The following ABCA12 variants were observed in gnomAD, a reference collection of about 807,000 sequenced individuals.
The protein encoded by ABCA12 is glucosylceramide transporter ABCA12.
Under a neutral mutation model 293.5 loss-of-function variants are expected in ABCA12, and 156 were observed. The ratio of observed to expected loss-of-function variants is 0.53; its 90% CI spans 0.47 to 0.61. ABCA12 has a LOEUF of 0.61. ABCA12 is among the 20% of genes least tolerant of loss of function. The pLI is 0.00. For missense variants in ABCA12, 2,797 were observed against 3,090.2 expected (o/e 0.91, Z 2.25); for synonymous variants, 1,063 against 1,108.0 (o/e 0.96, Z 0.81).
chr2:215,047,821 G>A (rs528959845), intron 6 of ABCA12, among the ~76,000 whole-genome samples: 65 of 152,154 alleles, frequency 4.3e-4, no homozygotes, highest in African/African-American at 1.5e-3. Context: ...GTTGACAAAT[G>A]GGATCTAATT....
chr2:215,016,310 G>A (rs910831884), intron 14 of ABCA12, among the ~76,000 whole-genome samples: 8 of 151,024 alleles, frequency 5.3e-5, no homozygotes, highest in Non-Finnish European at 8.9e-5. Context: ...CTGGCTGGGC[G>A]CGGTGGCTCA....
intron 19 of ABCA12, among the ~76,000 whole-genome samples, chr2:215,004,617 T>G (rs548500192): frequency 6.6e-6 from 1 of 152,354 alleles, no homozygotes; most frequent in South Asian, 2.1e-4. Context: ...TATTATTCCT[T>G]TTTAATGTAT....
chr2:215,060,269 G>A (rs559201675), intron 3 of ABCA12, among the ~76,000 whole-genome samples: 3 of 152,116 alleles, frequency 2.0e-5, no homozygotes, highest in African/African-American at 7.2e-5. Context: ...CAAGGCATAT[G>A]CCTCATGCAT....
At chr2:215,037,383 A>C (rs1435245228) in intron 7 of ABCA12, among the ~76,000 whole-genome samples, 2 of 152,198 alleles carry the variant, frequency 1.3e-5, no homozygotes, top group African/African-American at 4.8e-5. Flanking sequence ...AGCAACTTTC[A>C]ATTAAAGAAT....
chr2:215,024,385 AT>A (rs1468509641), intron 11 of ABCA12, among the ~76,000 whole-genome samples: 5 of 152,202 alleles, frequency 3.3e-5, no homozygotes, highest in Non-Finnish European at 7.3e-5. Flanking sequence ...TGATAAAAAA[AT>A]GAACGGATAA....
rs1452837064 is a variant in ABCA12 at position 215,011,423 on chromosome 2, T to C, written c.2332+16A>G. 1.9e-6 allele frequency: 3 copies of C among 1,576,826 alleles called. No individual in the cohort carries two copies. The highest frequency in any genetic ancestry group is 8.7e-7 in the Non-Finnish European group (1 of 1,146,848). ...CATTAAGGGCAACTGTCATGCTTAT[T>C]TTAAAGTATACTCACTGGAATTTAT... On this transcript the variant is annotated intron_variant, in intron 17 of 52. Transcript: ENST00000272895.
intron 9 of ABCA12, 75 bp from the exon 10 acceptor site, chr2:215,027,013 G>A: frequency 8.8e-7 from 1 of 1,138,292 alleles, no homozygotes; most frequent in South Asian, 1.2e-5. Context: ...AGATCATTTT[G>A]GTCCCTTGTT....
chr2:215,128,345 T>C (rs1317373878), intron 1 of ABCA12, among the ~76,000 whole-genome samples: 2 of 152,254 alleles, frequency 1.3e-5, no homozygotes, highest in Non-Finnish European at 2.9e-5. Flanking sequence ...CGTCTAGGTC[T>C]CTAGCAAGGC....
chr2:215,075,164 G>C (rs78581728), intron 2 of ABCA12, among the ~76,000 whole-genome samples: 1 of 152,012 alleles, frequency 6.6e-6, no homozygotes, highest in African/African-American at 2.4e-5. Context: ...AGATGGAGGT[G>C]TTTACCACTT....
intron 52 of ABCA12, among the ~76,000 whole-genome samples, chr2:214,933,348 T>C (rs1698119398): frequency 6.6e-6 from 1 of 152,190 alleles, no homozygotes; most frequent in African/African-American, 2.4e-5. Context: ...AGTCGAAGAC[T>C]AAGTCTTCAT....
At chr2:215,009,072 C>T (rs969924673) in intron 18 of ABCA12, among the ~76,000 whole-genome samples, 1 of 152,126 alleles carries the variant, frequency 6.6e-6, no homozygotes, top group African/African-American at 2.4e-5. Context: ...ACTGAATCAA[C>T]CTACATCCCT....
At chr2:215,098,724 A>G (rs1702294521) in intron 2 of ABCA12, among the ~76,000 whole-genome samples, 1 of 152,244 alleles carries the variant, frequency 6.6e-6, no homozygotes, top group South Asian at 2.1e-4. Context: ...TATGGGAAGT[A>G]AGAACAAATT....
intron 4 of ABCA12, 27 bp from the exon 5 acceptor site, chr2:215,052,611 C>G: frequency 6.5e-7 from 1 of 1,546,026 alleles, no homozygotes; most frequent in Non-Finnish European, 8.9e-7. Flanking sequence ...AACAGATTAG[C>G]ATTCCACACA....
intron 1 of ABCA12, among the ~76,000 whole-genome samples, chr2:215,118,170 G>A (rs933968600): frequency 6.6e-6 from 1 of 152,148 alleles, no homozygotes; most frequent in Admixed American, 6.5e-5. Context: ...GGGAGGCCGA[G>A]GCGGGCAGAT....
chr2:215,061,900 A>G (rs1319579466), intron 3 of ABCA12, among the ~76,000 whole-genome samples: 4 of 152,070 alleles, frequency 2.6e-5, no homozygotes, highest in Non-Finnish European at 4.4e-5. Flanking sequence ...ATAGACAAAT[A>G]CTTCTTTAGA....
chr2:214,997,871 T>C, intron 22 of ABCA12, 62 bp from the exon 23 acceptor site: 1 of 968,182 alleles, frequency 1.0e-6, no homozygotes, highest in African/African-American at 1.6e-5. Context: ...CTTGCAGAGA[T>C]TATAATATAT....
chr2:215,003,697 T>G (rs545980606), intron 20 of ABCA12, among the ~76,000 whole-genome samples: 1 of 151,348 alleles, frequency 6.6e-6, no homozygotes, highest in Non-Finnish European at 1.5e-5. Flanking sequence ...GACAGGGTTT[T>G]ACTCCTGTCA....
chr2:214,991,945 T>C (rs1320162127), intron 23 of ABCA12, among the ~76,000 whole-genome samples: 1 of 152,124 alleles, frequency 6.6e-6, no homozygotes, highest in Non-Finnish European at 1.5e-5. Flanking sequence ...GACAGGTTGA[T>C]GAGTGCAGCG....
chr2:214,942,535 T>C (rs1439225559), intron 50 of ABCA12, among the ~76,000 whole-genome samples: 3 of 152,170 alleles, frequency 2.0e-5, no homozygotes, highest in African/African-American at 4.8e-5. Context: ...AAATGGCAAA[T>C]GAACATGCTA....
Sources: allele counts gnomAD v4.1 joint callset (sites outside exome capture counted in the v4.1 genomes callset), GRCh38; gene constraint gnomAD v4.1.1; transcripts MANE v1.5; gene names NCBI Gene and HGNC (gene_info 2026-07-23, HGNC 2026-07-21).